The following EYA4 variants were observed in gnomAD, a reference collection of about 807,000 sequenced individuals.
EYA4 encodes EYA transcriptional coactivator and phosphatase 4.
In EYA4, 31 loss-of-function variants were observed where a neutral mutation model predicts 87.9. That is an observed-to-expected ratio of 0.35 (90% confidence interval 0.27 to 0.48). EYA4 has a LOEUF of 0.48. EYA4 is among the 20% of genes least tolerant of loss of function. The pLI, the probability that EYA4 is intolerant of heterozygous loss-of-function variation, is 0.99. For synonymous variants in EYA4, 263 were observed against 270.6 expected (o/e 0.97, Z 0.28); for missense variants, 678 against 761.4 (o/e 0.89, Z 1.29).
intron 1 of EYA4, among the ~76,000 whole-genome samples, chr6:133,271,032 G>A (rs529496685): frequency 2.0e-5 from 3 of 152,132 alleles, no homozygotes; most frequent in South Asian, 2.1e-4. Flanking sequence ...AGAAGGTAAT[G>A]TCGTGGGAAC....
intron 3 of EYA4, among the ~76,000 whole-genome samples, chr6:133,391,193 G>A (rs1787237012): frequency 1.4e-5 from 2 of 142,958 alleles, no homozygotes; most frequent in Non-Finnish European, 3.1e-5. Context: ...GGAAGTTTTA[G>A]TATCTATTAT....
At chr6:133,254,405 G>A (rs539081660) in intron 1 of EYA4, among the ~76,000 whole-genome samples, 1 of 152,082 alleles carries the variant, frequency 6.6e-6, no homozygotes, top group East Asian at 1.9e-4. Context: ...AAATATACGT[G>A]GCCTTTTGCT....
chr6:133,469,350 T>C (rs572193015), intron 11 of EYA4, among the ~76,000 whole-genome samples: 16 of 152,050 alleles, frequency 1.1e-4, no homozygotes, highest in Non-Finnish European at 2.2e-4. Context: ...GGAGAAATTA[T>C]TGAGGTGATT....
chr6:133,255,330 G>C (rs923721517), intron 1 of EYA4, among the ~76,000 whole-genome samples: 4 of 152,068 alleles, frequency 2.6e-5, no homozygotes, highest in African/African-American at 7.2e-5. Flanking sequence ...TTACTTTTGA[G>C]AGGAATGACC....
At chr6:133,280,468 C>T (rs1777531029) in intron 2 of EYA4, among the ~76,000 whole-genome samples, 1 of 152,020 alleles carries the variant, frequency 6.6e-6, no homozygotes, top group South Asian at 2.1e-4. Flanking sequence ...ACAATCTCGG[C>T]TCACTGCAAC....
At chr6:133,406,682 A>G (rs1051465422) in intron 3 of EYA4, among the ~76,000 whole-genome samples, 2 of 152,204 alleles carry the variant, frequency 1.3e-5, no homozygotes, top group South Asian at 4.1e-4. Context: ...TTAGCTATAT[A>G]CATTTTTCAG....
At chr6:133,242,722 T>C (rs1436168928) in intron 1 of EYA4, among the ~76,000 whole-genome samples, 1 of 152,174 alleles carries the variant, frequency 6.6e-6, no homozygotes, top group East Asian at 1.9e-4. Context: ...ATTAGGGAAT[T>C]TGCGGACCGA....
intron 14 of EYA4, among the ~76,000 whole-genome samples, chr6:133,510,063 A>G (rs1261966744): frequency 6.6e-6 from 1 of 152,212 alleles, no homozygotes; most frequent in African/African-American, 2.4e-5. Context: ...TATAACCTCA[A>G]TTATGGAGCT....
At chr6:133,458,497 A>C (rs1018300028) in intron 6 of EYA4, among the ~76,000 whole-genome samples, 1 of 152,084 alleles carries the variant, frequency 6.6e-6, no homozygotes, top group Admixed American at 6.6e-5. Context: ...ATTCCACAGC[A>C]GTGATCCAGG....
intron 11 of EYA4, among the ~76,000 whole-genome samples, chr6:133,473,761 G>C (rs570994390): frequency 2.0e-5 from 3 of 151,942 alleles, no homozygotes; most frequent in Non-Finnish European, 2.9e-5. Context: ...TAGCCTCCCT[G>C]GGTATCTGTA....
chr6:133,493,032 C>T (rs1007870447), intron 13 of EYA4, among the ~76,000 whole-genome samples: 1 of 152,102 alleles, frequency 6.6e-6, no homozygotes, highest in Non-Finnish European at 1.5e-5. Flanking sequence ...TTACCTGAAG[C>T]AATCTATCAA....
At chr6:133,368,243 T>G (rs1481075318) in intron 2 of EYA4, among the ~76,000 whole-genome samples, 1 of 152,218 alleles carries the variant, frequency 6.6e-6, no homozygotes, top group South Asian at 2.1e-4. Context: ...TTCACGTTTA[T>G]ATTTATAAAG....
intron 2 of EYA4, among the ~76,000 whole-genome samples, chr6:133,301,109 A>G (rs1779368970): frequency 6.6e-6 from 1 of 152,064 alleles, no homozygotes; most frequent in South Asian, 2.1e-4. Flanking sequence ...ACGCTGATGA[A>G]CAGGATGTGT....
rs979323916 is a variant in EYA4, at chr6:133,433,413, G to A, written c.84-13217G>A. ...AGAAATTAGCTCAATAACTATTCCCGATGAACTGATATAAATCTGGAGGTA... is the reference window on the plus strand; with the variant it reads ...AGAAATTAGCTCAATAACTATTCCCAATGAACTGATATAAATCTGGAGGTA... On this transcript the variant is annotated intron_variant, in intron 3 of 19. Transcript: ENST00000355286. Among the ~76,000 whole-genome samples, 68 of 152,214 alleles carry A rather than the reference G, an allele frequency of 4.5e-4. 1 individual carries two copies. The highest frequency in any genetic ancestry group is 4.8e-4 in the African/African-American group (20 of 41,450).
At chr6:133,428,114 A>G (rs1583249801) in intron 3 of EYA4, among the ~76,000 whole-genome samples, 1 of 152,322 alleles carries the variant, frequency 6.6e-6, no homozygotes, top group African/African-American at 2.4e-5. Context: ...GAAAGGAATG[A>G]TGATGGGGTT....
At chr6:133,386,501 C>T (rs1050202637) in intron 3 of EYA4, among the ~76,000 whole-genome samples, 1 of 152,128 alleles carries the variant, frequency 6.6e-6, no homozygotes, top group Admixed American at 6.5e-5. Flanking sequence ...CTATAACACA[C>T]AAATGATTTC....
At chr6:133,258,695 C>T (rs185385951) in intron 1 of EYA4, among the ~76,000 whole-genome samples, 2 of 152,148 alleles carry the variant, frequency 1.3e-5, no homozygotes, top group East Asian at 3.9e-4. Context: ...GCTTGTATGG[C>T]TCTCCATCTC....
chr6:133,459,639 A>G (rs924603527), intron 6 of EYA4, among the ~76,000 whole-genome samples: 7 of 152,174 alleles, frequency 4.6e-5, no homozygotes, highest in Non-Finnish European at 1.0e-4. Context: ...TCTTTGGAAT[A>G]ACACTACTAT....
At chr6:133,257,425 T>G (rs937827460) in intron 1 of EYA4, among the ~76,000 whole-genome samples, 12 of 152,190 alleles carry the variant, frequency 7.9e-5, no homozygotes, top group African/African-American at 2.7e-4. Flanking sequence ...TAGAAGTAAT[T>G]TTTATTACTT....
Sources: allele counts gnomAD v4.1 joint callset (sites outside exome capture counted in the v4.1 genomes callset), GRCh38; gene constraint gnomAD v4.1.1; transcripts MANE v1.5; gene names NCBI Gene and HGNC (gene_info 2026-07-23, HGNC 2026-07-21).